SLC5A9: variants seen among roughly 807,000 people sequenced by gnomAD.
The protein encoded by SLC5A9 is sodium/glucose cotransporter 4.
In SLC5A9, 59 loss-of-function variants were observed where a neutral mutation model predicts 70.9. The ratio of observed to expected loss-of-function variants is 0.83; its 90% CI spans 0.68 to 1.03. SLC5A9 has a LOEUF of 1.03. Among genes scored for constraint, SLC5A9 ranks in the 50% least tolerant of loss-of-function variants. The pLI is 0.00. For synonymous variants in SLC5A9, 340 were observed against 346.5 expected, an observed-to-expected ratio of 0.98 and a Z score of 0.21; for missense variants, 832 against 881.1, an observed-to-expected ratio of 0.94 and a Z score of 0.71.
chr1:48,226,655 G>A (rs956920524), intron 2 of SLC5A9, among the ~76,000 whole-genome samples: 1 of 152,230 alleles, frequency 6.6e-6, no homozygotes, highest in Non-Finnish European at 1.5e-5. Context: ...GTGGGGCTTG[G>A]GAGGCTGAGA....
intron 7 of SLC5A9, 70 bp from the exon 8 acceptor site, chr1:48,232,297 C>T: frequency 6.3e-7 from 1 of 1,586,592 alleles, no homozygotes; most frequent in Non-Finnish European, 8.6e-7. Flanking sequence ...TGCCCAGTGT[C>T]AGGGCTCACC....
intron 10 of SLC5A9, among the ~76,000 whole-genome samples, chr1:48,236,996 T>C (rs1644335464): frequency 6.6e-6 from 1 of 152,222 alleles, no homozygotes; most frequent in African/African-American, 2.4e-5. Flanking sequence ...TCTGTGCATA[T>C]GAACTGGTTT....
In SLC5A9 at chr1:48,228,931, G is replaced by C. The variant is rs1266487954; in HGVS notation, c.316G>C (p.Ala106Pro). The change falls in exon 3 of 14, where the codon GCC becomes CCC. Residue 106 changes from alanine (A) to proline (P), a missense_variant. Coordinates refer to ENST00000438567, the MANE Select transcript of SLC5A9 (RefSeq NM_001011547.3). ...LAGTGAAGGL[A>P]VGGFEWNATW... is the part of the protein sequence containing the mutation. ...TGGGACAGGGGCTGCCGGAGGCCTTGCCGTAGGTGGCTTCGAGTGGAACGT... is the reference window on the plus strand; with the variant it reads ...TGGGACAGGGGCTGCCGGAGGCCTTCCCGTAGGTGGCTTCGAGTGGAACGT... 1 of 1,613,374 alleles carries C rather than the reference G, an allele frequency of 6.2e-7. No homozygotes were observed. The highest frequency in any genetic ancestry group is 1.7e-5 in the Admixed American group (1 of 60,028).
intron 1 of SLC5A9, among the ~76,000 whole-genome samples, chr1:48,223,311 A>G (rs1644098634): frequency 6.6e-6 from 1 of 152,114 alleles, no homozygotes; most frequent in East Asian, 1.9e-4. Context: ...CTAAATGAGA[A>G]GGGGCTCATG....
chr1:48,239,371 T>C lies in SLC5A9; in HGVS notation c.1511T>C (p.Met504Thr). 1 of 1,614,144 alleles carries C rather than the reference T, an allele frequency of 6.2e-7. No individual in the cohort carries two copies. The highest frequency in any genetic ancestry group is 2.2e-5 in the East Asian group (1 of 44,874). Residue 504 changes from methionine to threonine, a missense_variant, in exon 12 of 14, where the codon ATG becomes ACG. Transcript: ENST00000438567. This position sits in a 1 kb window ranked among gnomAD's most constrained non-coding sequence, Gnocchi z 4.2. ...GGCCTGGGAGTGGGGCTTCTGCGTA[T>C]GATCCTGGAGTTCTCATACCCAGCG... Reference protein sequence around the residue: ...VFGLGVGLLRMILEFSYPAPA... With the variant: ...VFGLGVGLLRTILEFSYPAPA...
intron 13 of SLC5A9, among the ~76,000 whole-genome samples, chr1:48,246,293 A>T (rs2148592569): frequency 6.6e-6 from 1 of 152,232 alleles, no homozygotes; most frequent in African/African-American, 2.4e-5. Context: ...TGTGACCTTA[A>T]ATAAGTCTCT....
chr1:48,244,868 A>ATG lies in SLC5A9; in HGVS notation c.1837+2256_1837+2257dup, dbSNP rs1169204618. ...ATATAAAACCTGTGTGTGTGTATGT[A>ATG]TGTGTATGTGTATATATATATATAT... On this transcript the variant is annotated intron_variant, in intron 13 of 13. Transcript: ENST00000438567. Among the ~76,000 whole-genome samples, 136 of 22,270 alleles carry ATG rather than the reference A, an allele frequency of 6.1e-3. 15 individuals carry two copies. Among genetic ancestry groups the ATG allele is most frequent in the African/African-American group, 0.026 (132 of 5,062 alleles). 14.6% of individuals were successfully genotyped at this position (22,270 alleles called of 152,430 possible). A position where few individuals can be genotyped will look rare whatever the true frequency, so the allele number is the denominator to read the frequency against.
chr1:48,229,258 G>A (rs1332914111), intron 3 of SLC5A9, 37 bp from the exon 4 acceptor site: 7 of 1,613,936 alleles, frequency 4.3e-6, no homozygotes, highest in Middle Eastern at 1.6e-4. Context: ...TCTACATCCA[G>A]GACCTGGATA....
At chr1:48,230,877 GAGA>G (rs1644238609) in intron 5 of SLC5A9, among the ~76,000 whole-genome samples, 172 bp downstream of exon 5, 1 of 152,178 alleles carries the variant, frequency 6.6e-6, no homozygotes, top group Non-Finnish European at 1.5e-5. Context: ...AGACGTAGAA[GAGA>G]AGAACACAGG....
At chr1:48,224,279 T>C (rs1644112395) in intron 1 of SLC5A9, among the ~76,000 whole-genome samples, 1 of 152,110 alleles carries the variant, frequency 6.6e-6, no homozygotes, top group South Asian at 2.1e-4. Flanking sequence ...AGTCTCACAG[T>C]CAAACTGCAG....
rs61544545 is a variant in SLC5A9, at chr1:48,241,702, T to TTCTC, written c.1678-733_1678-730dup. Among the ~76,000 whole-genome samples, 786 of 149,476 alleles carry TTCTC rather than the reference T, an allele frequency of 5.3e-3. 3 individuals are homozygous for TTCTC. The highest frequency in any genetic ancestry group is 6.3e-3 in the Non-Finnish European group (426 of 67,294). ...ATCATCATATTTGTGTGTGTACATG[T>TTCTC]TCTCTCTCTCTCTCTCTCTCTCTCT... On this transcript the variant is annotated intron_variant, in intron 12 of 13. Transcript: ENST00000438567.
chr1:48,247,300 C>T (rs1178488095), intron 13 of SLC5A9, 35 bp from the exon 14 acceptor site: 2 of 1,601,430 alleles, frequency 1.2e-6, no homozygotes, highest in Non-Finnish European at 1.7e-6. Flanking sequence ...CTCTCCCCTC[C>T]TGCTCTCCTT....
chr1:48,243,862 C>A (rs1644419669), intron 13 of SLC5A9, among the ~76,000 whole-genome samples: 1 of 152,100 alleles, frequency 6.6e-6, no homozygotes, highest in Admixed American at 6.5e-5. Flanking sequence ...ACACTTAATT[C>A]TTAAATTTAT....
chr1:48,229,369 G>A lies in SLC5A9; in HGVS notation c.414G>A (p.Pro138=), dbSNP rs564948027. 3.7e-5 allele frequency: 60 copies of A among 1,614,154 alleles called. No individual in the cohort carries two copies. The South Asian group carries it at 4.8e-4, about 13-fold the overall frequency. The change falls in exon 4 of 14, where the codon CCG becomes CCA. Residue 138 remains proline, a synonymous_variant. Transcript: ENST00000438567. ...TCGCAGCAGGTGTGGTCACAATGCC[G>A]CAGTATCTGAAGAAGCGATTTGGGG... The part of the protein sequence containing the change: ...VYIAAGVVTM[P]QYLKKRFGGQ...
In SLC5A9 at chr1:48,231,563, T is replaced by G; in HGVS notation, c.629T>G (p.Ile210Ser). The G allele has an allele frequency of 6.2e-7, 1 of 1,614,134 alleles. No homozygotes were observed. Among genetic ancestry groups the G allele is most frequent in the Non-Finnish European group, 8.5e-7 (1 of 1,179,998 alleles). ...TCCCCAGGTGGCCTCATGGCCGTGATCTACACAGATGCTCTGCAGACGGTG... is the reference window on the plus strand; with the variant it reads ...TCCCCAGGTGGCCTCATGGCCGTGAGCTACACAGATGCTCTGCAGACGGTG... ...YTIAGGLMAVIYTDALQTVIM... is the reference protein window; with the variant it reads ...YTIAGGLMAVSYTDALQTVIM... The change falls in exon 6 of 14, where the codon ATC becomes AGC. Residue 210 changes from isoleucine to serine, a missense_variant. Ile to Ser is a moderately radical substitution (Grantham distance 142). Transcript: ENST00000438567.
chr1:48,232,287 T>C (rs1430505484), intron 7 of SLC5A9, 80 bp from the exon 8 acceptor site: 1 of 1,573,552 alleles, frequency 6.4e-7, no homozygotes, highest in African/African-American at 1.3e-5. Flanking sequence ...GACACAGTCA[T>C]GCCCAGTGTC....
chr1:48,226,110 G>A lies in SLC5A9; in HGVS notation c.234+1315G>A, dbSNP rs539955465. 8.8e-4 allele frequency among the ~76,000 whole-genome samples: 134 copies of A among 152,292 alleles called. 1 individual carries two copies. The highest frequency in any genetic ancestry group is 3.1e-3 in the African/African-American group (127 of 41,552). ...GAATCCCCAGGGATGGCGGGGAGCT[G>A]GGCCTTGCAGCTCAGGAACAGTGGC... On this transcript the variant is annotated intron_variant, in intron 2 of 13. Coordinates refer to ENST00000438567, the MANE Select transcript of SLC5A9 (RefSeq NM_001011547.3).
At chr1:48,234,957 G>A (rs1434234396) in intron 9 of SLC5A9, among the ~76,000 whole-genome samples, 1 of 152,126 alleles carries the variant, frequency 6.6e-6, no homozygotes, top group East Asian at 1.9e-4. Flanking sequence ...TGAGGCACCT[G>A]TGACACTTCA....
intron 9 of SLC5A9, among the ~76,000 whole-genome samples, chr1:48,235,132 C>G (rs1489214111): frequency 6.6e-6 from 1 of 152,130 alleles, no homozygotes; most frequent in Non-Finnish European, 1.5e-5. Flanking sequence ...GTCCCATCCT[C>G]CCTTGTTCAA....
Sources: gnomAD v4.1 joint callset for allele counts (sites outside exome capture counted in the v4.1 genomes callset) on GRCh38, gnomAD v4.1.1 for gene constraint, Gnocchi (gnomAD v3.1) non-coding constraint, MANE v1.5 for transcripts, NCBI Gene and HGNC (gene_info 2026-07-23, HGNC 2026-07-21) for gene names.